MRPL48: variants seen among roughly 807,000 people sequenced by gnomAD.
The protein encoded by MRPL48 is large ribosomal subunit protein mL48.
In MRPL48, 16 loss-of-function variants were observed where a neutral mutation model predicts 32.9. The observed-to-expected ratio is 0.49, with a 90% CI of 0.33 to 0.74. MRPL48 has a LOEUF of 0.74. Ranked by LOEUF, MRPL48 falls within the 30% of genes least tolerant of loss-of-function variation. The probability of loss-of-function intolerance (pLI) is 0.02; values close to 1 mark genes in which losing one functional copy is unlikely to be tolerated. For synonymous variants in MRPL48, 94 were observed against 89.2 expected (o/e 1.05, Z -0.31); for missense variants, 206 against 245.3 (o/e 0.84, Z 1.07).
chr11:73,818,632 T>C (rs949667430), intron 3 of MRPL48, among the ~76,000 whole-genome samples: 1 of 152,272 alleles, frequency 6.6e-6, no homozygotes, highest in Non-Finnish European at 1.5e-5. Flanking sequence ...TGGAGGGCCT[T>C]ACAGTCTGTT....
At chr11:73,790,278 C>G (rs183825555) in intron 1 of MRPL48, among the ~76,000 whole-genome samples, 3,465 of 150,268 alleles carry the variant, frequency 0.023, 143 homozygotes, top group African/African-American at 0.081. Flanking sequence ...ACCATGTTAG[C>G]CAGGATGGTC....
At chr11:73,824,441 C>T (rs1052578823) in intron 3 of MRPL48, among the ~76,000 whole-genome samples, 6 of 151,810 alleles carry the variant, frequency 4.0e-5, no homozygotes, top group Admixed American at 2.0e-4. Context: ...AAAAATTAGC[C>T]GGGTGTGGTG....
At chr11:73,800,724 G>C (rs981380257) in intron 1 of MRPL48, among the ~76,000 whole-genome samples, 6 of 152,046 alleles carry the variant, frequency 3.9e-5, no homozygotes, top group Non-Finnish European at 5.9e-5. Flanking sequence ...GCAGGGGAGA[G>C]GAAGCACATT....
At chr11:73,817,013 A>G (rs199573386) in intron 3 of MRPL48, among the ~76,000 whole-genome samples, 5 of 146,456 alleles carry the variant, frequency 3.4e-5, no homozygotes, top group Non-Finnish European at 6.0e-5. Flanking sequence ...ATTTTTTTTA[A>G]TAGAGACGGG....
intron 5 of MRPL48, among the ~76,000 whole-genome samples, chr11:73,853,680 C>CTTTT (rs58486952): frequency 2.3e-4 from 18 of 79,124 alleles, no homozygotes; most frequent in Non-Finnish European, 3.6e-4. Context: ...GAGATAGCTT[C>CTTTT]TTTTTTTTTT....
intron 4 of MRPL48, among the ~76,000 whole-genome samples, chr11:73,827,270 A>G (rs780019321): frequency 6.6e-6 from 1 of 151,940 alleles, no homozygotes; most frequent in Non-Finnish European, 1.5e-5. Context: ...TGTAATCCCA[A>G]CTACTCGGAA....
At chr11:73,826,049 G>A (rs762424777) in intron 4 of MRPL48, among the ~76,000 whole-genome samples, 1 of 151,940 alleles carries the variant, frequency 6.6e-6, no homozygotes, top group Non-Finnish European at 1.5e-5. Context: ...ACAGGGTCTT[G>A]CTCTGTCACC....
At chr11:73,863,132 G>T (rs1193069253) in intron 6 of MRPL48, 40 bp from the exon 7 acceptor site, 5 of 1,534,304 alleles carry the variant, frequency 3.3e-6, no homozygotes, top group Middle Eastern at 2.1e-4. Flanking sequence ...CTCGTTTTCA[G>T]CTCCTCCCAC....
intron 3 of MRPL48, among the ~76,000 whole-genome samples, chr11:73,823,801 A>G (rs1947830631): frequency 6.6e-6 from 1 of 151,170 alleles, no homozygotes; most frequent in Non-Finnish European, 1.5e-5. Flanking sequence ...GGGACTACAG[A>G]CACATGCTAC....
At chr11:73,832,908 GACAT>G (rs1396384292) in intron 4 of MRPL48, among the ~76,000 whole-genome samples, 4 of 152,146 alleles carry the variant, frequency 2.6e-5, no homozygotes, top group Non-Finnish European at 5.9e-5. Context: ...AGGTGAACGG[GACAT>G]GGTCCTGTAA....
intron 1 of MRPL48, among the ~76,000 whole-genome samples, chr11:73,799,507 CTTA>C (rs1460447441): frequency 6.6e-6 from 1 of 152,124 alleles, no homozygotes; most frequent in Non-Finnish European, 1.5e-5. Context: ...TAGAACATGA[CTTA>C]TTAGTTGTGT....
At position 73,787,879 on chromosome 11, in the gene MRPL48, G is replaced by C; in HGVS notation, c.-93G>C. On this transcript the variant is annotated 5_prime_UTR_variant, in exon 1 of 8. Transcript: ENST00000310614. Reference sequence around the variant, plus strand: ...GGATATTGCTGCTGCACCTGGTCAAGGCCGTTCCTTCAGTGTTTTCAGACG... The same window carrying C: ...GGATATTGCTGCTGCACCTGGTCAACGCCGTTCCTTCAGTGTTTTCAGACG... 15 of 1,505,362 alleles carry C rather than the reference G, an allele frequency of 1.0e-5. No individual in the cohort carries two copies. Among genetic ancestry groups the C allele is most frequent in the Non-Finnish European group, 1.2e-5 (13 of 1,111,998 alleles). 93.3% of individuals were successfully genotyped at this position (1,505,362 alleles called of 1,614,324 possible).
At chr11:73,831,667 G>A (rs1814547) in intron 4 of MRPL48, among the ~76,000 whole-genome samples, 13,731 of 152,044 alleles carry the variant, frequency 0.09, 743 homozygotes, top group South Asian at 0.26. Flanking sequence ...AAGGCCAGGC[G>A]TGGTGGCTCA....
intron 4 of MRPL48, among the ~76,000 whole-genome samples, chr11:73,841,268 A>G (rs1190013804): frequency 6.6e-6 from 1 of 152,216 alleles, no homozygotes; most frequent in Non-Finnish European, 1.5e-5. Flanking sequence ...CATACTGTGT[A>G]ACTCAGTAGT....
chr11:73,858,674 TTTCA>T (rs1291154233), intron 5 of MRPL48, among the ~76,000 whole-genome samples: 1 of 152,264 alleles, frequency 6.6e-6, no homozygotes, highest in African/African-American at 2.4e-5. Flanking sequence ...AGGAATCTTA[TTTCA>T]TTTATCTTCA....
intron 3 of MRPL48, among the ~76,000 whole-genome samples, chr11:73,814,492 C>T (rs930504228): frequency 6.6e-5 from 10 of 151,918 alleles, no homozygotes; most frequent in African/African-American, 2.4e-4. Flanking sequence ...GTCAGGAGTT[C>T]GAGACCAGCC....
intron 3 of MRPL48, chr11:73,823,103 A>G (rs974493616): frequency 2.0e-5 from 7 of 357,254 alleles, no homozygotes; most frequent in East Asian, 8.5e-5. Flanking sequence ...TATATATTAC[A>G]ATGTAATAAT....
chr11:73,825,809 G>A lies in MRPL48; in HGVS notation c.201+13G>A, dbSNP rs115267624. On this transcript the variant is annotated intron_variant, in intron 4 of 7. Transcript: ENST00000310614. ...TAAAGCAGAAGAGGTAACGGGCAGG[G>A]GGAGTCTTTTGGAAAAGGATAATGT... is the stretch of plus-strand genomic sequence containing the variant. 7.1e-6 allele frequency: 11 copies of A among 1,552,090 alleles called. No homozygotes were observed. The African/African-American group carries it at 1.5e-4, about 21-fold the overall frequency.
chr11:73,845,829 A>G (rs930377109), intron 5 of MRPL48, among the ~76,000 whole-genome samples: 9 of 152,134 alleles, frequency 5.9e-5, no homozygotes, highest in Non-Finnish European at 5.9e-5. Context: ...GCACTTTGGC[A>G]GGCTAAGGCG....
Sources: gnomAD v4.1 joint callset for allele counts (sites outside exome capture counted in the v4.1 genomes callset) on GRCh38, gnomAD v4.1.1 for gene constraint, MANE v1.5 for transcripts, NCBI Gene and HGNC (gene_info 2026-07-23, HGNC 2026-07-21) for gene names.